The following MED12L variants were observed in gnomAD, a reference collection of about 807,000 sequenced individuals.
MED12L encodes mediator of RNA polymerase II transcription subunit 12-like protein.
In MED12L, 60 loss-of-function variants were observed where a neutral mutation model predicts 281.3. That is an observed-to-expected ratio of 0.21 (90% CI 0.17 to 0.26). The LOEUF (loss-of-function observed/expected upper bound fraction) is 0.26. Among genes scored for constraint, MED12L ranks in the 10% least tolerant of loss-of-function variants. The pLI is 1.00. For synonymous variants in MED12L, 974 were observed against 987.2 expected (o/e 0.99, Z 0.25); for missense variants, 2,146 against 2,680.9 (o/e 0.80, Z 4.41).
At chr3:151,411,222 G>A in intron 40 of MED12L, 56 bp from the exon 41 acceptor site, 1 of 1,486,056 alleles carries the variant, frequency 6.7e-7, no homozygotes, top group Non-Finnish European at 9.4e-7. Flanking sequence ...TCGTAGTGAT[G>A]GGAAAGCTAG....
At position 151,190,775 on chromosome 3, in the gene MED12L, C is replaced by T. The variant is rs762849776; in HGVS notation, c.1812C>T (p.Cys604=). Residue 604 remains cysteine, a synonymous_variant, in exon 14 of 45, where the codon TGC becomes TGT. Coordinates refer to ENST00000687756, the MANE Select transcript of MED12L (RefSeq NM_001393769.1). The part of the protein sequence containing the change: ...VEFVNLVLLF[C]EFIRHDVFSH... ...TTGTGAACCTGGTGCTGCTCTTCTG[C>T]GAGTTCATCCGCCATGATGTCTTCT... is the stretch of plus-strand genomic sequence containing the variant. 1.9e-5 allele frequency: 30 copies of T among 1,614,038 alleles called. No individual in the cohort carries two copies. Among genetic ancestry groups the T allele is most frequent in the Non-Finnish European group, 1.5e-5 (18 of 1,180,042 alleles).
In MED12L at chr3:151,293,576, T is replaced by TACACACACACACACAC. The variant is rs55846173; in HGVS notation, c.2251-56456_2251-56441dup. ...ACAGAGGGTCCTAAAATGAAGCCCT[T>TACACACACACACACAC]ACACACACACACACACACACACACA... On this transcript the variant is annotated intron_variant, in intron 16 of 44. Coordinates refer to ENST00000687756, the MANE Select transcript of MED12L (RefSeq NM_001393769.1). Among the ~76,000 whole-genome samples the TACACACACACACACAC allele has an allele frequency of 1.9e-3, 145 of 76,218 alleles. 7 individuals carry two copies. Among genetic ancestry groups the TACACACACACACACAC allele is most frequent in the African/African-American group, 8.1e-3 (133 of 16,376 alleles). 50.0% of individuals were successfully genotyped at this position (76,218 alleles called of 152,430 possible).
chr3:151,237,762 T>C (rs2149360955), intron 16 of MED12L, among the ~76,000 whole-genome samples: 1 of 152,320 alleles, frequency 6.6e-6, no homozygotes, highest in Non-Finnish European at 1.5e-5. Context: ...ATTAAAAATT[T>C]TTTTCTTATG....
At chr3:151,227,315 C>T (rs944094817) in intron 16 of MED12L, among the ~76,000 whole-genome samples, 1 of 152,184 alleles carries the variant, frequency 6.6e-6, no homozygotes, top group Non-Finnish European at 1.5e-5. Flanking sequence ...TCTTGATTCC[C>T]TCTTGATCTT....
Position 151,159,740 on chromosome 3 carries a change from C to G in MED12L, c.838-92C>G, listed in dbSNP as rs937382333. ...CTTTATACCTTTGAAGTTTTTTTAT[C>G]TTTTTTAAATGAAAAAAAGTCTGTG... On this transcript the variant is annotated intron_variant, in intron 7 of 44. Coordinates refer to ENST00000687756, the MANE Select transcript of MED12L (RefSeq NM_001393769.1). 1.6e-5 allele frequency: 21 copies of G among 1,282,660 alleles called. 1 individual carries two copies. The Admixed American group carries it at 3.5e-4, about 21-fold the overall frequency. The allele number at this position is 1,282,660 out of a possible 1,614,324, so 79.5% of individuals were successfully genotyped here.
chr3:151,110,765 T>C (rs1468974643), intron 2 of MED12L, among the ~76,000 whole-genome samples: 2 of 152,142 alleles, frequency 1.3e-5, no homozygotes, highest in African/African-American at 4.8e-5. Flanking sequence ...TATGTTTGTG[T>C]GTGTGTGTGT....
intron 16 of MED12L, among the ~76,000 whole-genome samples, chr3:151,281,760 C>T (rs995945190): frequency 3.3e-5 from 5 of 152,130 alleles, no homozygotes; most frequent in Non-Finnish European, 2.9e-5. Context: ...CTAGCCCACC[C>T]CACGTGCTCA....
intron 16 of MED12L, among the ~76,000 whole-genome samples, chr3:151,194,578 A>G (rs1724404219): frequency 6.6e-6 from 1 of 152,168 alleles, no homozygotes; most frequent in African/African-American, 2.4e-5. Flanking sequence ...AAATTGGGTA[A>G]GACTTCATAG....
intron 16 of MED12L, among the ~76,000 whole-genome samples, chr3:151,253,507 G>T (rs1737232533): frequency 6.6e-6 from 1 of 152,142 alleles, no homozygotes; most frequent in South Asian, 2.1e-4. Context: ...CTTTAGTGGA[G>T]CTTTCCTTTA....
At position 151,122,956 on chromosome 3, in the gene MED12L, TTCTATTTTGGC is replaced by T; in HGVS notation, c.379_389del (p.Ser127LysfsTer7). The T allele has an allele frequency of 6.2e-7, 1 of 1,605,714 alleles. No individual in the cohort carries two copies. Among genetic ancestry groups the T allele is most frequent in the African/African-American group, 1.3e-5 (1 of 74,738 alleles). ...CTGACTTAGCAGGAAATAAGCCACT[TTCTATTTTGGC>T]AAAAAAGGTATCAAATATTTCTTAC... On this transcript the variant is annotated frameshift_variant, in exon 4 of 45. Transcript: ENST00000687756. LOFTEE classifies it high-confidence loss of function.
chr3:151,412,126 T>C (rs181945536), intron 41 of MED12L, among the ~76,000 whole-genome samples: 1 of 152,328 alleles, frequency 6.6e-6, no homozygotes, highest in East Asian at 1.9e-4. Context: ...ATTAATAATA[T>C]AGTTCCTCAG....
At chr3:151,380,588 ACT>A (rs1414624120) in intron 32 of MED12L, among the ~76,000 whole-genome samples, 1 of 129,338 alleles carries the variant, frequency 7.7e-6, no homozygotes, top group African/African-American at 2.9e-5. Flanking sequence ...CAATAGTGAA[ACT>A]CTGTCTCAAA....
At chr3:151,227,525 G>A (rs1467529302) in intron 16 of MED12L, among the ~76,000 whole-genome samples, 1 of 152,216 alleles carries the variant, frequency 6.6e-6, no homozygotes, top group Non-Finnish European at 1.5e-5. Flanking sequence ...GCTTGTGGCA[G>A]ACTGCAAGTC....
At chr3:151,346,081 C>T (rs9875152) in intron 16 of MED12L, among the ~76,000 whole-genome samples, 65,257 of 151,974 alleles carry the variant, frequency 0.43, 14,422 homozygotes, top group Middle Eastern at 0.63. Context: ...GACTTTGTTC[C>T]TTGGCCCAAC....
chr3:151,191,748 A>G (rs1157910880), intron 14 of MED12L, among the ~76,000 whole-genome samples: 1 of 152,260 alleles, frequency 6.6e-6, no homozygotes, highest in East Asian at 1.9e-4. Flanking sequence ...CTGTACCAAA[A>G]ATACAAAATT....
intron 43 of MED12L, among the ~76,000 whole-genome samples, chr3:151,423,671 T>C (rs1718533969): frequency 6.6e-6 from 1 of 152,208 alleles, no homozygotes; most frequent in African/African-American, 2.4e-5. Context: ...TATTAAATCA[T>C]TAAATAATTT....
At chr3:151,272,869 C>CT (rs765630170) in intron 16 of MED12L, among the ~76,000 whole-genome samples, 8 of 152,096 alleles carry the variant, frequency 5.3e-5, no homozygotes, top group Non-Finnish European at 8.8e-5. Flanking sequence ...GATGAGTCAA[C>CT]TGAGCAGGGA....
intron 39 of MED12L, among the ~76,000 whole-genome samples, chr3:151,406,773 A>G (rs574429211): frequency 6.6e-6 from 1 of 150,926 alleles, no homozygotes; most frequent in Non-Finnish European, 1.5e-5. Flanking sequence ...ATGTAGAATA[A>G]TAGTTTTCAG....
At chr3:151,413,966 C>T (rs183638275) in intron 42 of MED12L, among the ~76,000 whole-genome samples, 6 of 152,046 alleles carry the variant, frequency 3.9e-5, no homozygotes, top group Admixed American at 2.6e-4. Flanking sequence ...TCTCCTGCCT[C>T]AGCCTCCTGA....
Sources: gnomAD v4.1 joint callset for allele counts (sites outside exome capture counted in the v4.1 genomes callset) on GRCh38, gnomAD v4.1.1 for gene constraint, MANE v1.5 for transcripts, NCBI Gene and HGNC (gene_info 2026-07-23, HGNC 2026-07-21) for gene names.